The following STARD13 variants were observed in gnomAD, a reference collection of about 807,000 sequenced individuals.
The protein encoded by STARD13 is stAR-related lipid transfer protein 13.
A neutral mutation model predicts 106.4 loss-of-function variants in STARD13; 62 were observed. That is an observed-to-expected ratio of 0.58 (90% CI 0.48 to 0.72). The LOEUF is 0.72. Among genes scored for constraint, STARD13 ranks in the 30% least tolerant of loss-of-function variants. The pLI, the probability that STARD13 is intolerant of heterozygous loss-of-function variation, is 0.00. For missense variants in STARD13, 1,387 were observed against 1,424.0 expected, an observed-to-expected ratio of 0.97 and a Z score of 0.42; for synonymous variants, 565 against 553.0, an observed-to-expected ratio of 1.02 and a Z score of -0.31.
chr13:33,667,202 C>T, the STARD13 span, among the ~76,000 whole-genome samples: 1 of 152,114 alleles, frequency 6.6e-6, no homozygotes, highest in South Asian at 2.1e-4. Flanking sequence ...CAGACAACAG[C>T]GATGATATGG....
At chr13:33,497,604 T>C in the STARD13 span, among the ~76,000 whole-genome samples, 1 of 152,216 alleles carries the variant, frequency 6.6e-6, no homozygotes, top group African/African-American at 2.4e-5. Context: ...TACAAACCTG[T>C]CAAGTTCACT....
the STARD13 span, among the ~76,000 whole-genome samples, chr13:33,380,414 C>CAAAAAA: frequency 1.2e-5 from 1 of 84,600 alleles, no homozygotes; most frequent in Admixed American, 1.4e-4. Context: ...GATTCTGTCT[C>CAAAAAA]AAAAAAAAAA....
chr13:33,303,479 T>C (rs1312616658), intron 1 of STARD13, among the ~76,000 whole-genome samples: 1 of 152,172 alleles, frequency 6.6e-6, no homozygotes, highest in Non-Finnish European at 1.5e-5. Context: ...TAAATGATAG[T>C]GACACATACC....
At chr13:33,424,582 C>A in the STARD13 span, among the ~76,000 whole-genome samples, 2 of 152,040 alleles carry the variant, frequency 1.3e-5, no homozygotes, top group South Asian at 4.1e-4. Context: ...TAAGCAACAC[C>A]CGTGAAAAGA....
At chr13:33,631,469 A>G in the STARD13 span, among the ~76,000 whole-genome samples, 4 of 152,242 alleles carry the variant, frequency 2.6e-5, no homozygotes, top group South Asian at 2.1e-4. Flanking sequence ...TAAATCATGT[A>G]TAAGAGATAT....
At chr13:33,232,128 C>A (rs1327241197) in intron 1 of STARD13, among the ~76,000 whole-genome samples, 1 of 152,138 alleles carries the variant, frequency 6.6e-6, no homozygotes, top group Non-Finnish European at 1.5e-5. Flanking sequence ...GCCTGGCCAA[C>A]ATGGTGAAAC....
chr13:33,196,555 C>T (rs530782539), intron 1 of STARD13, among the ~76,000 whole-genome samples: 8 of 152,184 alleles, frequency 5.3e-5, no homozygotes, highest in South Asian at 4.1e-4. Flanking sequence ...TTGACCCCAG[C>T]AATCTTACCT....
upstream of STARD13, chr13:33,350,638 G>T (rs992321683): frequency 2.8e-5 from 37 of 1,337,446 alleles, no homozygotes; most frequent in Non-Finnish European, 3.4e-5. Context: ...ATTAACCTCT[G>T]CGCTCGCCAA....
At chr13:33,307,593 G>A (rs190034317) in intron 1 of STARD13, among the ~76,000 whole-genome samples, 41 of 152,278 alleles carry the variant, frequency 2.7e-4, no homozygotes, top group Admixed American at 2.5e-3. Context: ...TCACTTATGA[G>A]TGGGAGCTGG....
At chr13:33,355,107 T>C (rs1385901611), upstream of STARD13, 3 of 152,234 alleles carry the variant, frequency 2.0e-5, no homozygotes, top group Non-Finnish European at 4.4e-5. Flanking sequence ...AAATTACAAA[T>C]AATCCTGCGA....
At chr13:33,668,352 T>G in the STARD13 span, among the ~76,000 whole-genome samples, 1 of 152,194 alleles carries the variant, frequency 6.6e-6, no homozygotes, top group Non-Finnish European at 1.5e-5. Context: ...AACTTGAATA[T>G]TTGAATAAAT....
chr13:33,149,894 C>T (rs1386634982), intron 3 of STARD13, among the ~76,000 whole-genome samples: 1 of 152,210 alleles, frequency 6.6e-6, no homozygotes, highest in Non-Finnish European at 1.5e-5. Flanking sequence ...TATTTAGCCC[C>T]AGTATCTGCT....
downstream of STARD13, among the ~76,000 whole-genome samples, chr13:33,344,426 C>T (rs149605853): frequency 2.4e-4 from 37 of 152,182 alleles, no homozygotes; most frequent in Middle Eastern, 3.4e-3. Context: ...GATGATAAAA[C>T]GGATATAAAA....
rs540848871 is a variant in STARD13 at position 33,107,332 on chromosome 13, A to G, written c.3048-398T>C. ...GCCAGTCTCTGAGAAGCCACCAAGG[A>G]CATAAAGATATACACAGCCCAGGAG... On this transcript the variant is annotated intron_variant, in intron 12 of 13. Transcript: ENST00000336934. Among the ~76,000 whole-genome samples the G allele has an allele frequency of 2.6e-5, 4 of 152,300 alleles. No homozygotes were observed. The East Asian group carries it at 7.7e-4, about 29-fold the overall frequency.
At chr13:33,246,976 C>T (rs1305690895) in intron 1 of STARD13, among the ~76,000 whole-genome samples, 3 of 151,960 alleles carry the variant, frequency 2.0e-5, no homozygotes, top group Non-Finnish European at 4.4e-5. Flanking sequence ...GCAGGTGGGT[C>T]GCCTGAGGTC....
the STARD13 span, chr13:33,524,212 G>T: frequency 7.9e-6 from 10 of 1,260,384 alleles, no homozygotes; most frequent in East Asian, 3.5e-4. Context: ...CACACCAGGG[G>T]CATATGTAAG....
chr13:33,628,687 C>T, the STARD13 span, among the ~76,000 whole-genome samples: 1 of 152,196 alleles, frequency 6.6e-6, no homozygotes, highest in African/African-American at 2.4e-5. Flanking sequence ...ACCTCCGTGG[C>T]ACAGCAGATG....
At chr13:33,598,451 T>G in the STARD13 span, among the ~76,000 whole-genome samples, 1 of 152,210 alleles carries the variant, frequency 6.6e-6, no homozygotes, top group African/African-American at 2.4e-5. Flanking sequence ...AATTAATCTA[T>G]CCTATTAAGA....
intron 1 of STARD13, among the ~76,000 whole-genome samples, chr13:33,171,698 T>C (rs1298163926): frequency 6.6e-6 from 1 of 152,216 alleles, no homozygotes; most frequent in Non-Finnish European, 1.5e-5. Context: ...ATCAACTGGT[T>C]GAAAAGGGAG....
Sources: allele counts gnomAD v4.1 joint callset (sites outside exome capture counted in the v4.1 genomes callset), GRCh38; gene constraint gnomAD v4.1.1; transcripts MANE v1.5; gene names NCBI Gene and HGNC (gene_info 2026-07-23, HGNC 2026-07-21).